ST3GAL3: variants seen among roughly 807,000 people sequenced by gnomAD.
ST3GAL3 encodes the protein ST3 beta-galactoside alpha-2,3-sialyltransferase 3, also known as CMP-N-acetylneuraminate-beta-1,4-galactoside alpha-2,3-sialyltransferase.
In ST3GAL3, 21 loss-of-function variants were observed where a neutral mutation model predicts 50.1. The ratio of observed to expected loss-of-function variants is 0.42; its 90% CI spans 0.30 to 0.60. The LOEUF (loss-of-function observed/expected upper bound fraction) is 0.60, where lower values mean the gene tolerates loss of function less well. Among genes scored for constraint, ST3GAL3 ranks in the 20% least tolerant of loss-of-function variants. The pLI is 0.19. For missense variants in ST3GAL3, 353 were observed against 489.4 expected (o/e 0.72, Z 2.63); for synonymous variants, 183 against 190.0 (o/e 0.96, Z 0.30).
At chr1:43,879,796 C>T (rs1002722354) in intron 5 of ST3GAL3, among the ~76,000 whole-genome samples, 3 of 152,250 alleles carry the variant, frequency 2.0e-5, no homozygotes, top group African/African-American at 4.8e-5. Context: ...TGCTCCTGCA[C>T]CGTGACCCTG....
chr1:43,886,197 A>G (rs2075960393), intron 5 of ST3GAL3, among the ~76,000 whole-genome samples: 1 of 152,234 alleles, frequency 6.6e-6, no homozygotes, highest in Non-Finnish European at 1.5e-5. Context: ...CCTAGCCAAC[A>G]TGGTGAAACC....
At chr1:43,925,296 C>CAAAA (rs57654790) in intron 11 of ST3GAL3, among the ~76,000 whole-genome samples, 12 of 90,244 alleles carry the variant, frequency 1.3e-4, no homozygotes, top group African/African-American at 2.8e-4. Context: ...GACTGTGTCT[C>CAAAA]AAAAAAAAAA....
At chr1:43,905,739 T>C (rs1280179829) in intron 9 of ST3GAL3, among the ~76,000 whole-genome samples, 25 of 71,848 alleles carry the variant, frequency 3.5e-4, no homozygotes, top group East Asian at 9.9e-4. Flanking sequence ...TTCCCCTTCC[T>C]GCCACTCTTC....
At chr1:43,920,748 C>T in intron 10 of ST3GAL3, 34 bp from the exon 11 acceptor site, 2 of 1,614,162 alleles carry the variant, frequency 1.2e-6, no homozygotes, top group South Asian at 2.2e-5. Context: ...CTGAACTCTG[C>T]ATGCCTTCTC....
intron 9 of ST3GAL3, among the ~76,000 whole-genome samples, chr1:43,901,026 C>T (rs1211791794): frequency 2.0e-5 from 3 of 152,248 alleles, no homozygotes; most frequent in African/African-American, 7.2e-5. Flanking sequence ...ACAGCGGTTC[C>T]AGGAGTACCC....
chr1:43,852,911 G>T (rs911413592), intron 5 of ST3GAL3, among the ~76,000 whole-genome samples: 4 of 152,060 alleles, frequency 2.6e-5, no homozygotes, highest in African/African-American at 9.7e-5. Flanking sequence ...AGTGAATTCT[G>T]TTTTCTCAGT....
chr1:43,844,541 G>A (rs1452449241), intron 5 of ST3GAL3, among the ~76,000 whole-genome samples: 1 of 152,218 alleles, frequency 6.6e-6, no homozygotes, highest in Non-Finnish European at 1.5e-5. Flanking sequence ...GCCGGGCACG[G>A]TGGCTTACGC....
At chr1:43,840,282 C>T (rs1474397693) in intron 5 of ST3GAL3, 1 of 152,204 alleles carries the variant, frequency 6.6e-6, no homozygotes, top group African/African-American at 2.4e-5. Context: ...CCACCTTGGC[C>T]TCCCAAAGTG....
At chr1:43,800,217 G>A (rs1268681192) in intron 3 of ST3GAL3, among the ~76,000 whole-genome samples, 1 of 152,196 alleles carries the variant, frequency 6.6e-6, no homozygotes, top group East Asian at 1.9e-4. Flanking sequence ...TTGGATCTTA[G>A]TTTGTAAACT....
intron 1 of ST3GAL3, among the ~76,000 whole-genome samples, chr1:43,713,326 A>G (rs977567379): frequency 6.6e-6 from 1 of 152,122 alleles, no homozygotes; most frequent in African/African-American, 2.4e-5. Context: ...AAAAATTCCT[A>G]CCTTGCCAGG....
At chr1:43,880,081 G>A (rs894173814) in intron 5 of ST3GAL3, among the ~76,000 whole-genome samples, 6 of 152,182 alleles carry the variant, frequency 3.9e-5, no homozygotes, top group African/African-American at 1.4e-4. Context: ...AAATCCACAT[G>A]GTGGAGGCTG....
At chr1:43,874,137 A>G (rs1052117705) in intron 5 of ST3GAL3, among the ~76,000 whole-genome samples, 1 of 152,246 alleles carries the variant, frequency 6.6e-6, no homozygotes, top group East Asian at 1.9e-4. Context: ...ATAAGTTACT[A>G]TACAAACTAG....
At chr1:43,833,095 CCTCT>C (rs2154193410) in intron 4 of ST3GAL3, among the ~76,000 whole-genome samples, 1 of 152,274 alleles carries the variant, frequency 6.6e-6, no homozygotes, top group African/African-American at 2.4e-5. Flanking sequence ...TGAGTCCAGT[CCTCT>C]CTGAGATGGT....
intron 3 of ST3GAL3, among the ~76,000 whole-genome samples, chr1:43,794,259 C>A (rs1370597895): frequency 3.3e-5 from 5 of 152,138 alleles, no homozygotes; most frequent in African/African-American, 1.2e-4. Context: ...AAGACTTGAA[C>A]AGGCATTTCA....
chr1:43,916,316 G>A (rs955796211), intron 9 of ST3GAL3, among the ~76,000 whole-genome samples: 3 of 152,196 alleles, frequency 2.0e-5, no homozygotes, highest in Admixed American at 2.0e-4. Flanking sequence ...ACCTGCCCTG[G>A]AAGTGGTGGC....
In ST3GAL3 at chr1:43,746,710, C is replaced by T. The variant is rs183644502; in HGVS notation, c.118+10330C>T. ...ATCTCCTGACCTTGTGATTCACCTG[C>T]CTTGGCCTCCCAAAGTGCTGGGATT... On this transcript the variant is annotated intron_variant, in intron 2 of 11. Transcript: ENST00000347631. Among the ~76,000 whole-genome samples, 8 of 151,280 alleles carry T rather than the reference C, an allele frequency of 5.3e-5. No individual in the cohort carries two copies. In the East Asian group the frequency reaches 1.6e-3, roughly 30 times the overall value.
chr1:43,918,275 G>A (rs2082422195), intron 9 of ST3GAL3, among the ~76,000 whole-genome samples: 1 of 151,780 alleles, frequency 6.6e-6, no homozygotes, highest in East Asian at 1.9e-4. Context: ...ACGCCACCAT[G>A]CTCTGCTCAT....
chr1:43,906,370 C>T (rs2079680427), intron 9 of ST3GAL3, among the ~76,000 whole-genome samples: 1 of 145,408 alleles, frequency 6.9e-6, no homozygotes, highest in African/African-American at 2.5e-5. Context: ...TCTTCCTCCC[C>T]ATCCTCCTGT....
rs1247760273 is a variant in ST3GAL3 at position 43,761,818 on chromosome 1, G to A, written c.118+25438G>A. ...ACAAAAAAATTAGCCGGGCATGGTG[G>A]TGGGCGCCTGTAGTCCCAGCTACTC... On this transcript the variant is annotated intron_variant, in intron 2 of 11. Transcript: ENST00000347631. 2.6e-5 allele frequency among the ~76,000 whole-genome samples: 4 copies of A among 151,838 alleles called. No individual in the cohort carries two copies. The East Asian group carries it at 7.8e-4, about 29-fold the overall frequency.
Sources: gnomAD v4.1 joint callset for allele counts (sites outside exome capture counted in the v4.1 genomes callset) on GRCh38, gnomAD v4.1.1 for gene constraint, MANE v1.5 for transcripts, NCBI Gene and HGNC (gene_info 2026-07-23, HGNC 2026-07-21) for gene names.